The following CLCNKA variants were observed in gnomAD, a reference collection of about 807,000 sequenced individuals.
CLCNKA encodes the protein chloride channel protein ClC-Ka.
In CLCNKA, 66 loss-of-function variants were observed where a neutral mutation model predicts 83.3. The observed-to-expected ratio is 0.79, with a 90% CI of 0.65 to 0.97. The LOEUF is 0.97. CLCNKA is among the 50% of genes least tolerant of loss of function. The probability of loss-of-function intolerance (pLI) is 0.00; values close to 1 mark genes in which losing one functional copy is unlikely to be tolerated. For missense variants in CLCNKA, 806 were observed against 888.7 expected (o/e 0.91, Z 1.18); for synonymous variants, 357 against 370.4 (o/e 0.96, Z 0.42).
Position 16,030,056 on chromosome 1 carries a change from C to G in CLCNKA, c.1389C>G (p.Pro463=), listed in dbSNP as rs141107527. The part of the protein sequence containing the change: ...VTGGVTNPIM[P]GGYALAGAAA... ...GAGGGGTTACCAATCCCATCATGCC[C>G]GGGGGGTATGCTCTGGCAGGTGAGT... is the stretch of plus-strand genomic sequence containing the variant. Residue 463 remains proline, a synonymous_variant, in exon 14 of 20, where the codon CCC becomes CCG. Coordinates refer to ENST00000331433, the MANE Select transcript of CLCNKA (RefSeq NM_004070.4). 6.2e-7 allele frequency: 1 copy of G among 1,605,684 alleles called. No homozygotes were observed. Among genetic ancestry groups the G allele is most frequent in the Non-Finnish European group, 8.5e-7 (1 of 1,172,958 alleles).
rs1358253587 is a variant in CLCNKA at position 16,032,250 on chromosome 1, G to T, written c.1804G>T (p.Ala602Ser). The T allele has an allele frequency of 1.3e-6, 2 of 1,518,306 alleles. No homozygotes were observed. The highest frequency in any genetic ancestry group is 3.5e-5 in the Admixed American group (2 of 56,804). The allele number at this position is 1,518,306 out of a possible 1,614,324, so 94.1% of individuals were successfully genotyped here. The change falls in exon 17 of 20, where the codon GCC becomes TCC. Residue 602 changes from alanine (A) to serine (S), a missense_variant. Physicochemically the swap from Ala to Ser is moderately conservative, Grantham distance 99. Coordinates refer to ENST00000331433, the MANE Select transcript of CLCNKA (RefSeq NM_004070.4). The stretch of plus-strand genomic sequence containing the variant: ...CGTGCAGAGGGCCCAGCTGGTGCAG[G>T]CCCTCCAGGCTGAGCCTCCTTCCAG... ...GIVQRAQLVQ[A>S]LQAEPPSRAP...
rs565078202 is a variant in CLCNKA at position 16,032,493 on chromosome 1, C to G, written c.1896C>G (p.Thr632=). 1.5e-5 allele frequency: 24 copies of G among 1,613,268 alleles called. No individual in the cohort carries two copies. The highest frequency in any genetic ancestry group is 1.9e-5 in the Non-Finnish European group (22 of 1,179,902). The change falls in exon 18 of 20, where the codon ACC becomes ACG. Residue 632 remains threonine (T), a synonymous_variant. Coordinates refer to ENST00000331433, the MANE Select transcript of CLCNKA (RefSeq NM_004070.4). ...GGGGCTGCCCCACGGAACCAGTGAC[C>G]CTGACGCTATTCTCAGAGACCACCT... ...LARGCPTEPV[T]LTLFSETTLH... is the part of the protein sequence containing the mutation.
At chr1:16,024,496 A>C (rs3897354) in intron 3 of CLCNKA, among the ~76,000 whole-genome samples, 14 of 152,266 alleles carry the variant, frequency 9.2e-5, no homozygotes, top group East Asian at 5.8e-4. Context: ...AGGAAGAGCC[A>C]ATCACTAGCC....
rs1323995384 is a variant in CLCNKA at position 16,033,829 on chromosome 1, T to C, written c.*171T>C. 1.1e-5 allele frequency: 8 copies of C among 714,450 alleles called. No individual in the cohort carries two copies. Among genetic ancestry groups the C allele is most frequent in the Non-Finnish European group, 2.0e-5 (8 of 397,660 alleles). 44.3% of individuals were successfully genotyped at this position (714,450 alleles called of 1,614,324 possible). A position where few individuals can be genotyped will look rare whatever the true frequency, so the allele number is the denominator to read the frequency against. On this transcript the variant is annotated 3_prime_UTR_variant, in exon 20 of 20. Coordinates refer to ENST00000331433, the MANE Select transcript of CLCNKA (RefSeq NM_004070.4). ...CCAGAAGAGGATGGCTCATCCTGGG[T>C]GGGACGATGGCTCCTGCCTTGAAAG...
chr1:16,032,772 G>A (rs2022683740), intron 18 of CLCNKA, among the ~76,000 whole-genome samples: 1 of 152,256 alleles, frequency 6.6e-6, no homozygotes, highest in South Asian at 2.1e-4. Context: ...GAGAAAGACA[G>A]TGGAGTTGCA....
chr1:16,033,361 G>A (rs1275680455), intron 19 of CLCNKA, 105 bp downstream of exon 19: 16 of 1,278,712 alleles, frequency 1.3e-5, no homozygotes, highest in Admixed American at 3.6e-5. Flanking sequence ...CAAACCTGGG[G>A]GGATTCAGAG....
At chr1:16,030,107 A>G (rs770901384) in intron 14 of CLCNKA, 32 bp downstream of exon 14, 2 of 1,495,892 alleles carry the variant, frequency 1.3e-6, no homozygotes, top group Non-Finnish European at 9.3e-7. Flanking sequence ...TGGGTGGGCA[A>G]TGTCGTGGGG....
At chr1:16,027,195 C>T (rs2022395739) in intron 7 of CLCNKA, 115 bp from the exon 8 acceptor site, 12 of 1,478,034 alleles carry the variant, frequency 8.1e-6, no homozygotes, top group Middle Eastern at 2.4e-4. Context: ...TGTCCCTGTC[C>T]GGGCTGTAGG....
chr1:16,023,177 C>G (rs1348553559), intron 2 of CLCNKA, among the ~76,000 whole-genome samples: 1 of 152,236 alleles, frequency 6.6e-6, no homozygotes, highest in Non-Finnish European at 1.5e-5. Context: ...AGACTAAGTG[C>G]AGTGCCAGTG....
intron 13 of CLCNKA, 74 bp downstream of exon 13, chr1:16,029,874 T>C (rs2022545700): frequency 6.2e-7 from 1 of 1,603,144 alleles, no homozygotes; most frequent in African/African-American, 1.3e-5. Flanking sequence ...GTTCACCCTC[T>C]TCCCGGGTGG....
rs372000305 is a variant in CLCNKA, at chr1:16,024,862, T to C, written c.329T>C (p.Phe110Ser). The change falls in exon 4 of 20, where the codon TTC becomes TCC. Residue 110 changes from phenylalanine (F) to serine (S), a missense_variant. By Grantham distance (155) the Phe-to-Ser change is radical (BLOSUM62 -2). Transcript: ENST00000331433. ...GCCCTCGTCTCTTTCTCCTCAGGCT[T>C]CTCCCAGAGCATCACGCCCTCCTCT... ...PVALVSFSSG[F>S]SQSITPSSGG... is the part of the protein sequence containing the mutation. 11 of 1,614,046 alleles carry C rather than the reference T, an allele frequency of 6.8e-6. No individual in the cohort carries two copies. Among genetic ancestry groups the C allele is most frequent in the Non-Finnish European group, 9.3e-6 (11 of 1,179,992 alleles).
intron 18 of CLCNKA, 78 bp downstream of exon 18, chr1:16,032,604 T>A: frequency 8.8e-7 from 1 of 1,130,968 alleles, no homozygotes; most frequent in Non-Finnish European, 1.3e-6. Context: ...GGCTCCAGCC[T>A]CCCGTCCCAA....
chr1:16,031,919 C>T, intron 16 of CLCNKA, 76 bp downstream of exon 16: 2 of 1,605,888 alleles, frequency 1.2e-6, no homozygotes. Context: ...GTCAGGCAGA[C>T]AGGATCTGCA....
chr1:16,030,062 G>T lies in CLCNKA; in HGVS notation c.1395G>T (p.Gly465=), dbSNP rs762542423. Residue 465 remains glycine, a synonymous_variant, in exon 14 of 20, where the codon GGG becomes GGT. Transcript: ENST00000331433. The part of the protein sequence containing the change: ...GGVTNPIMPG[G]YALAGAAAFS... Reference sequence around the variant, plus strand: ...TTACCAATCCCATCATGCCCGGGGGGTATGCTCTGGCAGGTGAGTGGGTCA... The same window carrying T: ...TTACCAATCCCATCATGCCCGGGGGTTATGCTCTGGCAGGTGAGTGGGTCA... 1 of 1,606,352 alleles carries T rather than the reference G, an allele frequency of 6.2e-7. No homozygotes were observed.
In CLCNKA at chr1:16,032,249, G is replaced by A. The variant is rs1157610525; in HGVS notation, c.1803G>A (p.Gln601=). 6.8e-6 allele frequency: 11 copies of A among 1,612,466 alleles called. No individual in the cohort carries two copies. Among genetic ancestry groups the A allele is most frequent in the Admixed American group, 1.7e-5 (1 of 59,972 alleles). The change falls in exon 17 of 20, where the codon CAG becomes CAA. Residue 601 remains glutamine, a synonymous_variant. Coordinates refer to ENST00000331433, the MANE Select transcript of CLCNKA (RefSeq NM_004070.4). ...VGIVQRAQLV[Q]ALQAEPPSRA... ...TCGTGCAGAGGGCCCAGCTGGTGCA[G>A]GCCCTCCAGGCTGAGCCTCCTTCCA... is the stretch of plus-strand genomic sequence containing the variant.
At chr1:16,026,922 C>T (rs187477176) in intron 7 of CLCNKA, 147 bp downstream of exon 7, 22 of 1,094,784 alleles carry the variant, frequency 2.0e-5, no homozygotes, top group South Asian at 2.8e-5. Flanking sequence ...ATAGCCACCC[C>T]CCGGGGGCGG....
At position 16,024,896 on chromosome 1, in the gene CLCNKA, G is replaced by A. The variant is rs2022287761; in HGVS notation, c.358+5G>A. The stretch of plus-strand genomic sequence containing the variant: ...GCATCACGCCCTCCTCTGGAGGTGA[G>A]TCCACGGTCGCCATGCCAGTCCCCA... On this transcript the variant is annotated splice_donor_5th_base_variant and intron_variant, in intron 4 of 19. Coordinates refer to ENST00000331433, the MANE Select transcript of CLCNKA (RefSeq NM_004070.4). 2 of 1,613,942 alleles carry A rather than the reference G, an allele frequency of 1.2e-6. No homozygotes were observed. Among genetic ancestry groups the A allele is most frequent in the African/African-American group, 1.3e-5 (1 of 74,928 alleles).
Position 16,032,236 on chromosome 1 carries a change from C to T in CLCNKA, c.1790C>T (p.Ala597Val). 3 of 1,612,714 alleles carry T rather than the reference C, an allele frequency of 1.9e-6. No homozygotes were observed. The highest frequency in any genetic ancestry group is 1.1e-5 in the South Asian group (1 of 91,072). The change falls in exon 17 of 20, where the codon GCC becomes GTC. Residue 597 changes from alanine (A) to valine (V), a missense_variant. Coordinates refer to ENST00000331433, the MANE Select transcript of CLCNKA (RefSeq NM_004070.4). ...ATCCTGGTAGGCATCGTGCAGAGGG[C>T]CCAGCTGGTGCAGGCCCTCCAGGCT... is the stretch of plus-strand genomic sequence containing the variant. The part of the protein sequence containing the change: ...SQILVGIVQR[A>V]QLVQALQAEP...
chr1:16,026,100 T>C lies in CLCNKA; in HGVS notation c.359-8T>C. ...GTCCCCTGCTTGTTCCTGTCCTGTC[T>C]GGCTAAGGTTCTGGAATCCCGGAGC... On this transcript the variant is annotated splice_region_variant and splice_polypyrimidine_tract_variant and intron_variant, in intron 4 of 19. Coordinates refer to ENST00000331433, the MANE Select transcript of CLCNKA (RefSeq NM_004070.4). 1 of 1,612,394 alleles carries C rather than the reference T, an allele frequency of 6.2e-7. No individual in the cohort carries two copies. Among genetic ancestry groups the C allele is most frequent in the Middle Eastern group, 2.1e-4 (1 of 4,670 alleles).
Sources: gnomAD v4.1 joint callset for allele counts (sites outside exome capture counted in the v4.1 genomes callset) on GRCh38, gnomAD v4.1.1 for gene constraint, MANE v1.5 for transcripts, NCBI Gene and HGNC (gene_info 2026-07-23, HGNC 2026-07-21) for gene names.